EYS: variants seen among roughly 807,000 people sequenced by gnomAD.
The protein encoded by EYS is protein eyes shut homolog.
EYS carries 250 observed loss-of-function variants against 282.1 expected under a neutral mutation model. The observed-to-expected ratio is 0.89, with a 90% CI of 0.80 to 0.98. The LOEUF (loss-of-function observed/expected upper bound fraction) is 0.98, where lower values mean the gene tolerates loss of function less well. Ranked by LOEUF, EYS falls within the 50% of genes least tolerant of loss-of-function variation. The pLI is 0.00. For missense variants in EYS, 4,016 were observed against 3,709.0 expected (o/e 1.08, Z -2.15); for synonymous variants, 1,355 against 1,282.9 (o/e 1.06, Z -1.20).
chr6:64,780,113 C>A (rs993521131), intron 22 of EYS, among the ~76,000 whole-genome samples: 1 of 151,906 alleles, frequency 6.6e-6, no homozygotes, highest in African/African-American at 2.4e-5. Flanking sequence ...TGAACATGAG[C>A]TAAATAAGTA....
intron 26 of EYS, among the ~76,000 whole-genome samples, chr6:64,524,414 T>C (rs1777851624): frequency 6.6e-6 from 1 of 151,760 alleles, no homozygotes; most frequent in Admixed American, 6.6e-5. Flanking sequence ...AAATATTTTC[T>C]TTCTGTAGGT....
intron 14 of EYS, among the ~76,000 whole-genome samples, chr6:64,966,575 G>A (rs561494885): frequency 1.3e-5 from 2 of 152,206 alleles, no homozygotes; most frequent in Admixed American, 1.3e-4. Context: ...GGGCTTTAGG[G>A]GAAAATCTGT....
intron 29 of EYS, among the ~76,000 whole-genome samples, chr6:64,386,507 G>T (rs1276226930): frequency 6.6e-6 from 1 of 152,096 alleles, no homozygotes; most frequent in Non-Finnish European, 1.5e-5. Flanking sequence ...CTACCCTCAT[G>T]ATTCAATTAT....
At chr6:65,061,303 G>T (rs1029239334) in intron 12 of EYS, among the ~76,000 whole-genome samples, 1 of 151,898 alleles carries the variant, frequency 6.6e-6, no homozygotes, top group African/African-American at 2.4e-5. Context: ...CAATAAAATA[G>T]CATTCATGTA....
At chr6:64,134,835 G>A (rs143728188) in intron 31 of EYS, among the ~76,000 whole-genome samples, 18 of 152,162 alleles carry the variant, frequency 1.2e-4, no homozygotes, top group African/African-American at 3.1e-4. Context: ...TAAGGCGTGA[G>A]GTTGACAAAT....
chr6:65,164,009 TATTATA>T (rs1764911526), intron 12 of EYS, among the ~76,000 whole-genome samples: 1 of 151,292 alleles, frequency 6.6e-6, no homozygotes, highest in African/African-American at 2.4e-5. Flanking sequence ...TTCCCCATAT[TATTATA>T]ATACAGACAG....
chr6:65,115,966 A>ATTATCT (rs1554154790), intron 12 of EYS, among the ~76,000 whole-genome samples: 8 of 144,856 alleles, frequency 5.5e-5, no homozygotes, highest in Admixed American at 1.4e-4. Context: ...CTGTCTATCT[A>ATTATCT]ATCTATCTAT....
chr6:64,082,023 A>C, intron 31 of EYS, 21 bp from the exon 32 acceptor site: 1 of 1,478,322 alleles, frequency 6.8e-7, no homozygotes, highest in South Asian at 1.2e-5. Flanking sequence ...AAATGGTATT[A>C]ATATGTTCTG....
chr6:63,983,083 C>A (rs572650940), intron 35 of EYS, among the ~76,000 whole-genome samples: 54 of 151,784 alleles, frequency 3.6e-4, no homozygotes, highest in African/African-American at 9.4e-4. Flanking sequence ...TTGAGTAAAG[C>A]CTTGAGGAAA....
At chr6:64,734,006 A>C (rs893899946) in intron 22 of EYS, among the ~76,000 whole-genome samples, 9 of 152,168 alleles carry the variant, frequency 5.9e-5, no homozygotes, top group Non-Finnish European at 1.2e-4. Context: ...GATACCTTCA[A>C]TTACGTTTAA....
chr6:64,605,561 T>A (rs73455463), intron 24 of EYS, among the ~76,000 whole-genome samples: 204 of 151,996 alleles, frequency 1.3e-3, no homozygotes, highest in African/African-American at 4.7e-3. Context: ...CTACTGTCAA[T>A]AGCATCCTCT....
chr6:63,788,933 G>A (rs1770437806), intron 38 of EYS, 125 bp downstream of exon 38: 2 of 907,490 alleles, frequency 2.2e-6, no homozygotes, highest in East Asian at 5.4e-5. Flanking sequence ...CCCCTAGTTG[G>A]TACAATAGTC....
intron 22 of EYS, among the ~76,000 whole-genome samples, chr6:64,665,002 C>G (rs1769180137): frequency 2.0e-5 from 3 of 152,136 alleles, no homozygotes; most frequent in South Asian, 2.1e-4. Flanking sequence ...TTGCATATTT[C>G]TGCACATGTG....
At chr6:63,739,923 C>T (rs1356475704) in intron 41 of EYS, among the ~76,000 whole-genome samples, 2 of 149,682 alleles carry the variant, frequency 1.3e-5, no homozygotes, top group African/African-American at 4.9e-5. Flanking sequence ...TGGTCTCGAA[C>T]TCCTGACCTC....
intron 2 of EYS, among the ~76,000 whole-genome samples, chr6:65,611,002 T>G (rs913167357): frequency 2.6e-5 from 4 of 152,080 alleles, no homozygotes; most frequent in Admixed American, 2.6e-4. Context: ...TTTCAGGCAA[T>G]GTACTCATAT....
chr6:63,909,149 G>T (rs1773855502), intron 35 of EYS, among the ~76,000 whole-genome samples: 1 of 152,150 alleles, frequency 6.6e-6, no homozygotes, highest in African/African-American at 2.4e-5. Flanking sequence ...TAGGGCAGTG[G>T]TTCTGAAAAT....
intron 36 of EYS, among the ~76,000 whole-genome samples, chr6:63,841,078 T>C (rs185372918): frequency 6.6e-6 from 1 of 152,332 alleles, no homozygotes; most frequent in Admixed American, 6.5e-5. Flanking sequence ...ATTTAATACA[T>C]ATCTGTGCTA....
intron 36 of EYS, among the ~76,000 whole-genome samples, chr6:63,839,005 A>G (rs894648611): frequency 5.9e-5 from 9 of 152,206 alleles, no homozygotes; most frequent in Non-Finnish European, 1.3e-4. Context: ...GCAATGTGTG[A>G]TTATCAAATT....
At chr6:65,412,287 G>A (rs1052157616) in intron 5 of EYS, among the ~76,000 whole-genome samples, 3 of 152,106 alleles carry the variant, frequency 2.0e-5, no homozygotes, top group Admixed American at 2.0e-4. Flanking sequence ...AACTGACTAA[G>A]ACACAAATAA....
Sources: gnomAD v4.1 joint callset for allele counts (sites outside exome capture counted in the v4.1 genomes callset) on GRCh38, gnomAD v4.1.1 for gene constraint, MANE v1.5 for transcripts, NCBI Gene and HGNC (gene_info 2026-07-23, HGNC 2026-07-21) for gene names.